The following CDC42BPA variants were observed in gnomAD, a reference collection of about 807,000 sequenced individuals.
The protein encoded by CDC42BPA is serine/threonine-protein kinase MRCK alpha.
A neutral mutation model predicts 223.5 loss-of-function variants in CDC42BPA; 80 were observed. That is an observed-to-expected ratio of 0.36 (90% CI 0.30 to 0.43). The LOEUF (loss-of-function observed/expected upper bound fraction) is 0.43. Ranked by LOEUF, CDC42BPA falls within the 20% of genes least tolerant of loss-of-function variation. The pLI, the probability that CDC42BPA is intolerant of heterozygous loss-of-function variation, is 1.00. For synonymous variants in CDC42BPA, 694 were observed against 718.6 expected, an observed-to-expected ratio of 0.97 and a Z score of 0.55; for missense variants, 1,743 against 2,099.9, an observed-to-expected ratio of 0.83 and a Z score of 3.32.
chr1:226,998,052 A>G (rs1238537396), intron 35 of CDC42BPA, among the ~76,000 whole-genome samples: 2 of 152,228 alleles, frequency 1.3e-5, no homozygotes, highest in Admixed American at 6.5e-5. Context: ...CAATTGCTAC[A>G]AACAGAATAA....
intron 1 of CDC42BPA, among the ~76,000 whole-genome samples, chr1:227,276,483 G>A (rs904816328): frequency 3.3e-5 from 5 of 150,622 alleles, no homozygotes; most frequent in South Asian, 2.1e-4. Context: ...CAGCCGCCCC[G>A]TTCGGGAGGT....
Position 227,228,405 on chromosome 1 carries a change from C to T in CDC42BPA, c.271-15186G>A, listed in dbSNP as rs543381033. On this transcript the variant is annotated intron_variant, in intron 2 of 36. Coordinates refer to ENST00000366766, the MANE Select transcript of CDC42BPA (RefSeq NM_001394014.1). ...AATATTCCATCATACAGATATACCA[C>T]ATTTTGTTTATGCATTCATCAGTTG... 3.3e-5 allele frequency among the ~76,000 whole-genome samples: 5 copies of T among 152,302 alleles called. No individual in the cohort carries two copies. The East Asian group carries it at 7.7e-4, about 23-fold the overall frequency.
chr1:227,217,986 G>A (rs1025527871), intron 2 of CDC42BPA, among the ~76,000 whole-genome samples: 1 of 152,008 alleles, frequency 6.6e-6, no homozygotes, highest in Admixed American at 6.6e-5. Flanking sequence ...TACAATATAA[G>A]CTAATGAGGG....
At chr1:227,076,224 C>A (rs1463816947) in intron 17 of CDC42BPA, among the ~76,000 whole-genome samples, 1 of 151,988 alleles carries the variant, frequency 6.6e-6, no homozygotes, top group East Asian at 1.9e-4. Context: ...AAAAAAAAAT[C>A]TTACTTTCTC....
At chr1:227,267,979 T>C (rs967808682) in intron 1 of CDC42BPA, among the ~76,000 whole-genome samples, 3 of 152,226 alleles carry the variant, frequency 2.0e-5, no homozygotes, top group Non-Finnish European at 2.9e-5. Context: ...GTATTTATTG[T>C]ACACCTACCA....
At chr1:227,257,531 C>T (rs868793518) in intron 1 of CDC42BPA, among the ~76,000 whole-genome samples, 6 of 150,788 alleles carry the variant, frequency 4.0e-5, no homozygotes, top group African/African-American at 1.2e-4. Flanking sequence ...GGGTGAATCA[C>T]CTGAGGTCAG....
At chr1:227,247,007 C>G (rs911837040) in intron 2 of CDC42BPA, among the ~76,000 whole-genome samples, 1 of 152,094 alleles carries the variant, frequency 6.6e-6, no homozygotes, top group African/African-American at 2.4e-5. Context: ...TCGAGACCAG[C>G]CTGGCCAACA....
chr1:227,038,263 T>G (rs989540955), intron 24 of CDC42BPA, among the ~76,000 whole-genome samples: 3 of 152,176 alleles, frequency 2.0e-5, no homozygotes. Context: ...TTGCTCCTCT[T>G]TCACCTTCCA....
intron 1 of CDC42BPA, among the ~76,000 whole-genome samples, chr1:227,315,102 T>G (rs895892408): frequency 2.0e-5 from 3 of 152,064 alleles, no homozygotes; most frequent in Non-Finnish European, 4.4e-5. Flanking sequence ...AGACAGCAAA[T>G]ACCACTACTC....
At chr1:227,031,664 A>G in intron 27 of CDC42BPA, 150 bp from the exon 28 acceptor site, 1 of 642,080 alleles carries the variant, frequency 1.6e-6, no homozygotes, top group East Asian at 2.7e-5. Context: ...CCTAATCAGA[A>G]TAACTACCTT....
chr1:226,994,723 A>G lies in CDC42BPA; in HGVS notation c.5133+100T>C. 1 of 1,263,030 alleles carries G rather than the reference A, an allele frequency of 7.9e-7. No individual in the cohort carries two copies. The highest frequency in any genetic ancestry group is 2.8e-4 in the Middle Eastern group (1 of 3,564). The allele number at this position is 1,263,030 out of a possible 1,614,324, so 78.2% of individuals were successfully genotyped here. On this transcript the variant is annotated intron_variant, in intron 36 of 36. Coordinates refer to ENST00000366766, the MANE Select transcript of CDC42BPA (RefSeq NM_001394014.1). The surrounding 1 kb of genome is among the most constrained non-coding windows in gnomAD (Gnocchi z 4.0). ...AGTGAATGCTGGCCCCTGACCCCGAACCCTGCTGCAGCTGAGGCCAATCCC... is the reference window on the plus strand; with the variant it reads ...AGTGAATGCTGGCCCCTGACCCCGAGCCCTGCTGCAGCTGAGGCCAATCCC...
intron 4 of CDC42BPA, among the ~76,000 whole-genome samples, chr1:227,198,438 C>CAAAA (rs1176604134): frequency 0.14 from 6,969 of 48,674 alleles, 458 homozygotes; most frequent in Non-Finnish European, 0.15. Flanking sequence ...ATCCAGCAAA[C>CAAAA]AAAAAAAAAA....
chr1:227,193,298 A>G (rs1451710727), intron 5 of CDC42BPA, among the ~76,000 whole-genome samples: 2 of 151,950 alleles, frequency 1.3e-5, no homozygotes, highest in South Asian at 2.1e-4. Flanking sequence ...CTGACCTCGT[A>G]ATCTGCCCGC....
chr1:227,164,728 A>C (rs968974045), intron 5 of CDC42BPA, among the ~76,000 whole-genome samples: 7 of 150,426 alleles, frequency 4.7e-5, no homozygotes, highest in Admixed American at 1.3e-4. Context: ...ACACACACAC[A>C]CCCCTAACTA....
chr1:227,162,604 G>C (rs1269990243), intron 5 of CDC42BPA, among the ~76,000 whole-genome samples: 2 of 152,184 alleles, frequency 1.3e-5, no homozygotes, highest in Non-Finnish European at 2.9e-5. Context: ...GCCGAGGAGG[G>C]AGGATTACTT....
At chr1:227,219,562 A>G (rs564784545) in intron 2 of CDC42BPA, 7 of 152,336 alleles carry the variant, frequency 4.6e-5, no homozygotes, top group Middle Eastern at 3.4e-3. Context: ...TGCATTTCTT[A>G]TAAGAGTTAC....
At chr1:227,092,042 A>C in intron 15 of CDC42BPA, 51 bp from the exon 16 acceptor site, 1 of 1,005,244 alleles carries the variant, frequency 9.9e-7, no homozygotes, top group Non-Finnish European at 1.5e-6. Context: ...AGGTCATTTG[A>C]AAACTTGAAA....
intron 32 of CDC42BPA, among the ~76,000 whole-genome samples, chr1:227,020,973 G>A (rs764219079): frequency 4.6e-5 from 7 of 152,124 alleles, no homozygotes; most frequent in Admixed American, 6.5e-5. Flanking sequence ...GAATAGAGAG[G>A]CCCAATGAGA....
chr1:227,178,698 T>C lies in CDC42BPA; in HGVS notation c.599+15088A>G, dbSNP rs560617474. ...TTAGTAGAGACGGGGTTTCTCCATG[T>C]TGGTCAGGCTGGTCTTGAACTCCCA... is the stretch of plus-strand genomic sequence containing the variant. On this transcript the variant is annotated intron_variant, in intron 5 of 36. Transcript: ENST00000366766. 1.2e-4 allele frequency among the ~76,000 whole-genome samples: 18 copies of C among 152,318 alleles called. No homozygotes were observed. The South Asian group carries it at 3.7e-3, about 32-fold the overall frequency.
Sources: allele counts gnomAD v4.1 joint callset (sites outside exome capture counted in the v4.1 genomes callset), GRCh38; gene constraint gnomAD v4.1.1; non-coding constraint Gnocchi (gnomAD v3.1); transcripts MANE v1.5; gene names NCBI Gene and HGNC (gene_info 2026-07-23, HGNC 2026-07-21).